Variants in PDXDC1 observed in about 807,000 individuals in gnomAD.
PDXDC1 encodes the protein pyridoxal dependent decarboxylase domain containing 1.
A neutral mutation model predicts 100.1 loss-of-function variants in PDXDC1; 42 were observed. The ratio of observed to expected loss-of-function variants is 0.42; its 90% CI spans 0.33 to 0.54. The LOEUF (loss-of-function observed/expected upper bound fraction) is 0.54. Ranked by LOEUF, PDXDC1 falls within the 20% of genes least tolerant of loss-of-function variation. PDXDC1 has a pLI of 0.10. For missense variants in PDXDC1, 636 were observed against 979.2 expected (o/e 0.65, Z 4.68); for synonymous variants, 260 against 371.7 (o/e 0.70, Z 3.46).
chr16:15,041,726 C>T (rs111350492), downstream of PDXDC1: 6 of 1,354,408 alleles, frequency 4.4e-6, no homozygotes, highest in Admixed American at 1.7e-5. Context: ...CTCTAGTTAC[C>T]AGAACAAACT....
intron 13 of PDXDC1, among the ~76,000 whole-genome samples, chr16:15,024,167 T>A (rs1397005721): frequency 6.6e-6 from 1 of 152,264 alleles, no homozygotes; most frequent in Non-Finnish European, 1.5e-5. Context: ...TGTCCCTTCT[T>A]CCAATGGCTG....
intron 1 of PDXDC1, among the ~76,000 whole-genome samples, chr16:14,977,863 A>T (rs1967051879): frequency 6.6e-6 from 1 of 152,300 alleles, no homozygotes; most frequent in Non-Finnish European, 1.5e-5. Context: ...TTGTTGCATA[A>T]TTTATACTGA....
At chr16:15,028,597 GTAACT>G (rs2042807805) in intron 14 of PDXDC1, among the ~76,000 whole-genome samples, 1 of 152,304 alleles carries the variant, frequency 6.6e-6, no homozygotes, top group Non-Finnish European at 1.5e-5. Context: ...AAACTAGTTA[GTAACT>G]TAAAACAATT....
chr16:15,071,053 C>T, intron 16 of PDXDC1: 2 of 1,391,878 alleles, frequency 1.4e-6, no homozygotes, highest in Non-Finnish European at 2.0e-6. Flanking sequence ...ATATTTCTGA[C>T]TTGAGACAAT....
At chr16:15,072,827 T>C (rs2045294139) in intron 16 of PDXDC1, 1 of 968,652 alleles carries the variant, frequency 1.0e-6, no homozygotes, top group African/African-American at 1.7e-5. Flanking sequence ...TTAAGCAGAC[T>C]AGCAAGTAAG....
chr16:15,078,880 C>G (rs1446289236), intron 16 of PDXDC1, among the ~76,000 whole-genome samples: 1 of 149,946 alleles, frequency 6.7e-6, no homozygotes, highest in Non-Finnish European at 1.5e-5. Flanking sequence ...GGCGCAATCT[C>G]GGCTCACTGC....
downstream of PDXDC1, among the ~76,000 whole-genome samples, chr16:15,143,277 C>A (rs2048503201): frequency 6.6e-6 from 1 of 152,218 alleles, no homozygotes; most frequent in East Asian, 1.9e-4. Context: ...CGGGTCTTCA[C>A]CCCTTCCCAG....
At chr16:15,117,738 A>T (rs921181303) in intron 16 of PDXDC1, among the ~76,000 whole-genome samples, 3 of 107,478 alleles carry the variant, frequency 2.8e-5, no homozygotes, top group African/African-American at 1.1e-4. Flanking sequence ...TCCAATTTAT[A>T]CCAAAAATTC....
chr16:14,977,463 A>G (rs1401689240), intron 1 of PDXDC1, among the ~76,000 whole-genome samples: 1 of 152,246 alleles, frequency 6.6e-6, no homozygotes, highest in Non-Finnish European at 1.5e-5. Flanking sequence ...TATTCCCAGT[A>G]GAGATGGGGT....
chr16:15,125,625 G>C, intron 16 of PDXDC1: 1 of 1,181,480 alleles, frequency 8.5e-7, no homozygotes, highest in Non-Finnish European at 1.3e-6. Flanking sequence ...ACAGTGTCTG[G>C]AGTCCAAGCT....
At chr16:15,013,939 G>C in intron 8 of PDXDC1, among the ~76,000 whole-genome samples, 1 of 152,174 alleles carries the variant, frequency 6.6e-6, no homozygotes, top group Admixed American at 6.5e-5. Context: ...GGGTGCGGTG[G>C]CTCATGCATG....
chr16:15,117,693 G>C (rs1365959674), intron 16 of PDXDC1, among the ~76,000 whole-genome samples: 2 of 121,236 alleles, frequency 1.6e-5, no homozygotes, highest in African/African-American at 6.5e-5. Context: ...ACTCGTCTTG[G>C]GGGTGAGAAA....
chr16:15,128,243 T>C (rs1175390701), intron 16 of PDXDC1: 3 of 1,611,350 alleles, frequency 1.9e-6, no homozygotes, highest in Non-Finnish European at 2.5e-6. Flanking sequence ...CACACTCGGA[T>C]CTTCCACACG....
Position 15,036,152 on chromosome 16 carries a change from C to T in PDXDC1, c.2244C>T (p.Ser748=). Residue 748 remains serine (S), a synonymous_variant, in exon 23 of 23, where the codon AGC becomes AGT. Coordinates refer to ENST00000396410, the MANE Select transcript of PDXDC1 (RefSeq NM_015027.4). ...AGCAGATCACCCTCGAGGCCAGCAGCACTGAGGGACACCCAGGGGCTCCCA... is the reference window on the plus strand; with the variant it reads ...AGCAGATCACCCTCGAGGCCAGCAGTACTGAGGGACACCCAGGGGCTCCCA... The part of the protein sequence containing the change: ...GPEQITLEAS[S]TEGHPGAPSP... The T allele has an allele frequency of 6.2e-7, 1 of 1,614,162 alleles. No individual in the cohort carries two copies. The highest frequency in any genetic ancestry group is 8.5e-7 in the Non-Finnish European group (1 of 1,180,030).
chr16:15,039,926 CTT>C (rs34345533), downstream of PDXDC1: 510 of 1,003,742 alleles, frequency 5.1e-4, no homozygotes, highest in Non-Finnish European at 5.6e-4. Context: ...CATTTGATGC[CTT>C]TTTTTTTTTA....
chr16:15,101,903 C>A (rs2046562915), intron 16 of PDXDC1, among the ~76,000 whole-genome samples: 1 of 151,926 alleles, frequency 6.6e-6, no homozygotes, highest in Non-Finnish European at 1.5e-5. Context: ...GGCTGGACTG[C>A]AATGGCGTGA....
intron 2 of PDXDC1, among the ~76,000 whole-genome samples, chr16:14,998,057 C>G (rs1221227706): frequency 2.6e-5 from 4 of 152,270 alleles, no homozygotes; most frequent in African/African-American, 4.8e-5. Context: ...GTTTCATTTA[C>G]TTAATATATT....
rs576501224 is a variant in PDXDC1 at position 15,037,077 on chromosome 16, A to C, written c.*802A>C. The C allele has an allele frequency of 6.6e-6, 1 of 152,342 alleles. No homozygotes were observed. Among genetic ancestry groups the C allele is most frequent in the East Asian group, 1.9e-4 (1 of 5,182 alleles). The allele number at this position is 152,342 out of a possible 1,614,324, so 9.4% of individuals were successfully genotyped here. A position where few individuals can be genotyped will look rare whatever the true frequency, so the allele number is the denominator to read the frequency against. On this transcript the variant is annotated 3_prime_UTR_variant, in exon 23 of 23. Coordinates refer to ENST00000396410, the MANE Select transcript of PDXDC1 (RefSeq NM_015027.4). The stretch of plus-strand genomic sequence containing the variant: ...TTAAGAGCTTGCTCTTCCGTGTGCT[A>C]CGTAGCACCCACCTGGTTAAAATCT...
At position 15,073,382 on chromosome 16, in the gene PDXDC1, A is replaced by C. The variant is rs551535176; in HGVS notation, c.1399+43326A>C. Reference sequence around the variant, plus strand: ...TGAGGCGGATGAACCGCTTGAGCCCAGGAGGTCAAGGCTGCAGTAAGCCAT... The same window carrying C: ...TGAGGCGGATGAACCGCTTGAGCCCCGGAGGTCAAGGCTGCAGTAAGCCAT... On this transcript the variant is annotated intron_variant, in intron 16 of 16. Coordinates refer to the PDXDC1 transcript ENST00000535621. 5.3e-5 allele frequency among the ~76,000 whole-genome samples: 8 copies of C among 152,344 alleles called. No homozygotes were observed. The South Asian group carries it at 1.7e-3, about 32-fold the overall frequency.
Sources: allele counts gnomAD v4.1 joint callset (sites outside exome capture counted in the v4.1 genomes callset), GRCh38; gene constraint gnomAD v4.1.1; transcripts MANE v1.5; gene names NCBI Gene and HGNC (gene_info 2026-07-23, HGNC 2026-07-21).